The following COL15A1 variants were observed in gnomAD, a reference collection of about 807,000 sequenced individuals.
COL15A1 encodes collagen type XV alpha 1 chain, also known as collagen alpha-1(XV) chain.
COL15A1 carries 111 observed loss-of-function variants against 165.9 expected under a neutral mutation model. That is an observed-to-expected ratio of 0.67 (90% CI 0.57 to 0.78). The LOEUF is 0.78. COL15A1 is among the 30% of genes least tolerant of loss of function. COL15A1 has a pLI of 0.00. For missense variants in COL15A1, 1,745 were observed against 1,789.7 expected (o/e 0.98, Z 0.45); for synonymous variants, 659 against 674.8 (o/e 0.98, Z 0.36).
chr9:98,989,718 G>C (rs1014499105), intron 5 of COL15A1, among the ~76,000 whole-genome samples: 3 of 152,180 alleles, frequency 2.0e-5, no homozygotes, highest in African/African-American at 7.2e-5. Context: ...GATGGCTCTT[G>C]TTATATTTGC....
At chr9:98,953,495 C>T (rs1256004056) in intron 2 of COL15A1, among the ~76,000 whole-genome samples, 1 of 152,020 alleles carries the variant, frequency 6.6e-6, no homozygotes, top group East Asian at 1.9e-4. Flanking sequence ...AATACAACCC[C>T]ATCAAACTCA....
chr9:98,980,866 C>T (rs904458334), intron 2 of COL15A1, among the ~76,000 whole-genome samples: 32 of 152,184 alleles, frequency 2.1e-4, no homozygotes, highest in Non-Finnish European at 3.2e-4. Flanking sequence ...CATCTCTCTG[C>T]CTCCCCTAAA....
At chr9:99,026,746 C>G (rs1052870619) in intron 16 of COL15A1, among the ~76,000 whole-genome samples, 1 of 152,180 alleles carries the variant, frequency 6.6e-6, no homozygotes, top group Non-Finnish European at 1.5e-5. Flanking sequence ...GGAGCTCTCC[C>G]TGACTCATTA....
intron 39 of COL15A1, 72 bp downstream of exon 39, chr9:99,063,181 G>T: frequency 6.9e-7 from 1 of 1,453,034 alleles, no homozygotes. Context: ...CTCATGCTTA[G>T]TACACAGTTC....
At chr9:99,037,253 CT>C (rs1316349948) in intron 21 of COL15A1, among the ~76,000 whole-genome samples, 1 of 152,178 alleles carries the variant, frequency 6.6e-6, no homozygotes, top group African/African-American at 2.4e-5. Flanking sequence ...CCCTCTGGGG[CT>C]TTTTTTCTTC....
intron 35 of COL15A1, among the ~76,000 whole-genome samples, chr9:99,058,735 C>T (rs112203357): frequency 6.6e-6 from 1 of 152,170 alleles, no homozygotes; most frequent in Non-Finnish European, 1.5e-5. Context: ...CTGAAGCTCA[C>T]AGAGGTGAAG....
intron 9 of COL15A1, 39 bp downstream of exon 9, chr9:99,005,089 G>A: frequency 6.5e-7 from 1 of 1,543,410 alleles, no homozygotes. Context: ...AGGTCATGGT[G>A]GGAGCAGCTC....
At chr9:99,032,555 G>A (rs1182208604) in intron 16 of COL15A1, among the ~76,000 whole-genome samples, 1 of 152,014 alleles carries the variant, frequency 6.6e-6, no homozygotes, top group Non-Finnish European at 1.5e-5. Context: ...CTTTTTTTGG[G>A]GGGAGGGGTG....
chr9:99,047,299 G>A (rs2119092510), intron 26 of COL15A1, among the ~76,000 whole-genome samples: 1 of 152,310 alleles, frequency 6.6e-6, no homozygotes, highest in South Asian at 2.1e-4. Context: ...GTTCCTAGGG[G>A]CAGGTTAGAG....
chr9:98,985,185 G>T lies in COL15A1; in HGVS notation c.101-380G>T, dbSNP rs1399808379. On this transcript the variant is annotated intron_variant, in intron 2 of 41. Coordinates refer to ENST00000375001, the MANE Select transcript of COL15A1 (RefSeq NM_001855.5). ...GATTACTCATAAGTGTTTTCCAAAC[G>T]CAGGTCATGAACTATTAGTGGGTTA... Among the ~76,000 whole-genome samples, 3 of 152,272 alleles carry T rather than the reference G, an allele frequency of 2.0e-5. No homozygotes were observed. The East Asian group carries it at 5.8e-4, about 29-fold the overall frequency.
intron 16 of COL15A1, among the ~76,000 whole-genome samples, chr9:99,027,578 G>C (rs1839147972): frequency 6.9e-6 from 1 of 145,176 alleles, no homozygotes; most frequent in African/African-American, 2.6e-5. Flanking sequence ...CCCATACTCT[G>C]TCTCGAACTT....
intron 38 of COL15A1, 63 bp from the exon 39 acceptor site, chr9:99,062,987 A>G (rs991484835): frequency 3.2e-6 from 5 of 1,542,356 alleles, no homozygotes; most frequent in Middle Eastern, 3.4e-4. Flanking sequence ...GCACCTCAAT[A>G]CACTCTGAAG....
chr9:99,032,938 A>G (rs1002667229), intron 16 of COL15A1, among the ~76,000 whole-genome samples: 4 of 152,122 alleles, frequency 2.6e-5, no homozygotes, highest in African/African-American at 2.4e-5. Context: ...TGGCTATGTT[A>G]TCCTACCTTT....
intron 19 of COL15A1, 101 bp downstream of exon 19, chr9:99,035,519 C>A: frequency 6.9e-7 from 1 of 1,449,452 alleles, no homozygotes; most frequent in Non-Finnish European, 9.6e-7. Context: ...TTCAATAACT[C>A]ACCTTCTCTG....
chr9:99,016,691 TTAGAAA>T (rs1262396955), intron 11 of COL15A1, among the ~76,000 whole-genome samples: 1 of 152,246 alleles, frequency 6.6e-6, no homozygotes, highest in African/African-American at 2.4e-5. Context: ...ACTGTGTCTC[TTAGAAA>T]TAGGAAACCC....
rs1262969594 is a variant in COL15A1 at position 99,070,001 on chromosome 9, A to G, written c.*115A>G. On this transcript the variant is annotated 3_prime_UTR_variant, in exon 42 of 42. Transcript: ENST00000375001. ...TTACAGTTTTTTTTTTTTACTACAT[A>G]TTCTTTACAACAGCAACCAAAGAAA... 1 of 800,014 alleles carries G rather than the reference A, an allele frequency of 1.2e-6. No individual in the cohort carries two copies. The highest frequency in any genetic ancestry group is 1.8e-5 in the African/African-American group (1 of 56,430). 49.6% of individuals were successfully genotyped at this position (800,014 alleles called of 1,614,324 possible).
intron 5 of COL15A1, among the ~76,000 whole-genome samples, chr9:98,992,410 G>A (rs1010527189): frequency 1.1e-4 from 16 of 152,240 alleles, no homozygotes; most frequent in African/African-American, 9.6e-5. Flanking sequence ...TGCGGGGCCC[G>A]CCGAGCCCAC....
chr9:99,057,910 C>T, intron 35 of COL15A1, among the ~76,000 whole-genome samples: 1 of 152,096 alleles, frequency 6.6e-6, no homozygotes. Context: ...GATCTTTTGG[C>T]TGCAAGTGAT....
chr9:99,041,938 G>C (rs1588529725), intron 23 of COL15A1, 107 bp from the exon 24 acceptor site: 2 of 686,128 alleles, frequency 2.9e-6, no homozygotes, highest in East Asian at 5.4e-5. Flanking sequence ...CCACCTACCT[G>C]GGGGATGGCA....
Sources: allele counts gnomAD v4.1 joint callset (sites outside exome capture counted in the v4.1 genomes callset), GRCh38; gene constraint gnomAD v4.1.1; transcripts MANE v1.5; gene names NCBI Gene and HGNC (gene_info 2026-07-23, HGNC 2026-07-21).